The following DAB1 variants were observed in gnomAD, a reference collection of about 807,000 sequenced individuals.
The protein encoded by DAB1 is DAB adaptor protein 1.
In DAB1, 15 loss-of-function variants were observed where a neutral mutation model predicts 64.6. That is an observed-to-expected ratio of 0.23 (90% CI 0.16 to 0.36). The LOEUF is 0.36. Ranked by LOEUF, DAB1 falls within the 10% of genes least tolerant of loss-of-function variation. The pLI is 1.00. For synonymous variants in DAB1, 235 were observed against 251.9 expected (o/e 0.93, Z 0.64); for missense variants, 596 against 706.7 (o/e 0.84, Z 1.78).
chr1:57,634,811 T>C (rs977452563), intron 7 of DAB1, among the ~76,000 whole-genome samples: 15 of 152,146 alleles, frequency 9.9e-5, no homozygotes, highest in Non-Finnish European at 1.6e-4. Flanking sequence ...AAATATATAA[T>C]GGTGGTGAAA....
intron 5 of DAB1, among the ~76,000 whole-genome samples, chr1:58,095,723 C>T (rs2100620659): frequency 1.3e-5 from 2 of 152,306 alleles, no homozygotes. Flanking sequence ...GGAAGATGTA[C>T]TGAATGAAGA....
chr1:57,482,349 T>C (rs539419452), intron 7 of DAB1, among the ~76,000 whole-genome samples: 1 of 152,116 alleles, frequency 6.6e-6, no homozygotes, highest in South Asian at 2.1e-4. Flanking sequence ...AGTCTTAAAA[T>C]GACATCTTTC....
intron 6 of DAB1, among the ~76,000 whole-genome samples, chr1:57,788,044 A>C (rs1390349616): frequency 6.6e-6 from 1 of 152,134 alleles, no homozygotes; most frequent in Non-Finnish European, 1.5e-5. Flanking sequence ...GAGCAAGTGG[A>C]ACTCTCAAAT....
intron 2 of DAB1, among the ~76,000 whole-genome samples, chr1:57,268,357 C>G (rs1462102253): frequency 1.3e-5 from 2 of 152,164 alleles, no homozygotes; most frequent in African/African-American, 4.8e-5. Context: ...TGTTTGTTAA[C>G]CTTATGGCAA....
chr1:57,746,891 T>G (rs1648301240), intron 6 of DAB1, among the ~76,000 whole-genome samples: 1 of 152,180 alleles, frequency 6.6e-6, no homozygotes, highest in Non-Finnish European at 1.5e-5. Context: ...TTTTACGTAC[T>G]GATTTAATGT....
At chr1:58,008,131 T>C (rs1197170131) in intron 5 of DAB1, among the ~76,000 whole-genome samples, 1 of 152,068 alleles carries the variant, frequency 6.6e-6, no homozygotes, top group Non-Finnish European at 1.5e-5. Context: ...CTCTATACCC[T>C]GAGAGATAGA....
chr1:57,061,297 T>A (rs555147508), intron 9 of DAB1, among the ~76,000 whole-genome samples: 1 of 150,848 alleles, frequency 6.6e-6, no homozygotes, highest in Admixed American at 6.6e-5. Context: ...CAGAAAGAAG[T>A]TTCACTAAAC....
chr1:57,682,122 T>C (rs1208214019), intron 6 of DAB1, among the ~76,000 whole-genome samples: 1 of 151,834 alleles, frequency 6.6e-6, no homozygotes, highest in African/African-American at 2.4e-5. Context: ...GCCACAAAGG[T>C]GTAAACATGG....
intron 1 of DAB1, among the ~76,000 whole-genome samples, chr1:58,533,400 A>G (rs1401703035): frequency 6.6e-6 from 1 of 152,226 alleles, no homozygotes; most frequent in Non-Finnish European, 1.5e-5. Context: ...TAATAAATAC[A>G]TACCTCATTG....
At chr1:57,372,375 C>A (rs962911105) in intron 1 of DAB1, among the ~76,000 whole-genome samples, 1 of 152,174 alleles carries the variant, frequency 6.6e-6, no homozygotes, top group African/African-American at 2.4e-5. Context: ...CAGAAAGACA[C>A]ATGGGACCTG....
intron 9 of DAB1, among the ~76,000 whole-genome samples, chr1:57,061,967 C>T (rs1439511944): frequency 6.6e-6 from 1 of 152,218 alleles, no homozygotes; most frequent in Admixed American, 6.5e-5. Flanking sequence ...TCAATAGTGA[C>T]TGAACACGCT....
At chr1:57,942,607 A>G (rs2102053934) in intron 5 of DAB1, among the ~76,000 whole-genome samples, 1 of 152,314 alleles carries the variant, frequency 6.6e-6, no homozygotes, top group Non-Finnish European at 1.5e-5. Context: ...CTTTTTAAAA[A>G]GCTACTTGCC....
intron 4 of DAB1, among the ~76,000 whole-genome samples, chr1:57,083,280 T>C (rs578190047): frequency 5.3e-4 from 80 of 152,344 alleles, no homozygotes; most frequent in South Asian, 1.2e-3. Context: ...GGCTCCAGAC[T>C]CTAGGCAGCC....
At chr1:58,280,001 A>G (rs1661520967) in intron 4 of DAB1, among the ~76,000 whole-genome samples, 1 of 152,142 alleles carries the variant, frequency 6.6e-6, no homozygotes, top group Non-Finnish European at 1.5e-5. Context: ...ATCAGGCCTA[A>G]CCATCTGCAC....
intron 1 of DAB1, among the ~76,000 whole-genome samples, chr1:57,348,702 G>A (rs1278649529): frequency 6.6e-6 from 1 of 152,066 alleles, no homozygotes; most frequent in Non-Finnish European, 1.5e-5. Flanking sequence ...CCTTCATGAT[G>A]TTCTCAGTAT....
intron 3 of DAB1, among the ~76,000 whole-genome samples, chr1:58,350,369 C>T (rs2209310): frequency 0.69 from 104,481 of 152,044 alleles, 36,256 homozygotes; most frequent in East Asian, 0.78. Flanking sequence ...CTTTGTCAGG[C>T]GGATAGATTG....
intron 7 of DAB1, among the ~76,000 whole-genome samples, chr1:57,482,842 AG>A (rs1644040834): frequency 6.6e-6 from 1 of 152,184 alleles, no homozygotes; most frequent in Non-Finnish European, 1.5e-5. Context: ...AGATCTAGAG[AG>A]GTTAATAACT....
intron 5 of DAB1, among the ~76,000 whole-genome samples, chr1:57,971,859 A>G (rs1166878843): frequency 1.3e-5 from 2 of 152,202 alleles, no homozygotes; most frequent in Non-Finnish European, 2.9e-5. Flanking sequence ...AGTTAGCCAA[A>G]CCAGATATAC....
intron 7 of DAB1, among the ~76,000 whole-genome samples, chr1:57,647,864 A>T (rs1437254292): frequency 6.6e-6 from 1 of 152,224 alleles, no homozygotes; most frequent in African/African-American, 2.4e-5. Context: ...AAATTAAAAC[A>T]TTGAAGTTCC....
Sources: gnomAD v4.1 joint callset for allele counts (sites outside exome capture counted in the v4.1 genomes callset) on GRCh38, gnomAD v4.1.1 for gene constraint, MANE v1.5 for transcripts, NCBI Gene and HGNC (gene_info 2026-07-23, HGNC 2026-07-21) for gene names.